RSAD1: variants seen among roughly 807,000 people sequenced by gnomAD.
RSAD1 encodes radical S-adenosyl methionine domain containing 1.
A neutral mutation model predicts 46.2 loss-of-function variants in RSAD1; 34 were observed. That is an observed-to-expected ratio of 0.74 (90% CI 0.56 to 0.98). The LOEUF is 0.98. Ranked by LOEUF, RSAD1 falls within the 50% of genes least tolerant of loss-of-function variation. The probability of loss-of-function intolerance (pLI) is 0.00; values close to 1 mark genes in which losing one functional copy is unlikely to be tolerated. For synonymous variants in RSAD1, 260 were observed against 253.5 expected (o/e 1.03, Z -0.24); for missense variants, 635 against 592.3 (o/e 1.07, Z -0.75).
At chr17:50,480,235 T>C (rs2033367142) in intron 3 of RSAD1, 151 bp downstream of exon 3, 4 of 721,438 alleles carry the variant, frequency 5.5e-6, no homozygotes, top group African/African-American at 1.8e-5. Flanking sequence ...TTATAACTCC[T>C]TAATTGTCTG....
chr17:50,481,238 T>A (rs542645974), intron 3 of RSAD1, among the ~76,000 whole-genome samples: 1 of 152,236 alleles, frequency 6.6e-6, no homozygotes, highest in East Asian at 1.9e-4. Context: ...ACAGTAGATG[T>A]TATTGGGACC....
In RSAD1 at chr17:50,485,616, C is replaced by T. The variant is rs2033443356; in HGVS notation, c.*755C>T. The T allele has an allele frequency of 6.6e-6, 1 of 152,282 alleles. No individual in the cohort carries two copies. The highest frequency in any genetic ancestry group is 1.5e-5 in the Non-Finnish European group (1 of 68,092). The allele number at this position is 152,282 out of a possible 1,614,324, so 9.4% of individuals were successfully genotyped here. ...ATAGCTCTTAGGCTTCCAGCCTCTACCATGCAGGAGAGAACACAGAAGGAC... is the reference window on the plus strand; with the variant it reads ...ATAGCTCTTAGGCTTCCAGCCTCTATCATGCAGGAGAGAACACAGAAGGAC... On this transcript the variant is annotated 3_prime_UTR_variant, in exon 9 of 9. Coordinates refer to ENST00000258955, the MANE Select transcript of RSAD1 (RefSeq NM_018346.3).
rs777758476 is a variant in RSAD1 at position 50,479,622 on chromosome 17, CCCCCAGTGG to C, written c.136-4_140del. On this transcript the variant is annotated splice_acceptor_variant and splice_polypyrimidine_tract_variant and coding_sequence_variant and intron_variant, in exon 2 of 9. Coordinates refer to ENST00000258955, the MANE Select transcript of RSAD1 (RefSeq NM_018346.3). LOFTEE classifies it high-confidence loss of function. Reference sequence around the variant, plus strand: ...TCTCACCGCGCACGTGCACTCACTGCCCCCAGTGGCCTTACTGCGAGAAGCGCTGCAGTT... The same window carrying C: ...TCTCACCGCGCACGTGCACTCACTGCCCTTACTGCGAGAAGCGCTGCAGTT... 24 of 1,613,394 alleles carry C rather than the reference CCCCCAGTGG, an allele frequency of 1.5e-5. No individual in the cohort carries two copies. The highest frequency in any genetic ancestry group is 7.7e-5 in the South Asian group (7 of 91,076).
chr17:50,478,949 G>T lies in RSAD1; in HGVS notation c.65G>T (p.Arg22Leu). 7.2e-7 allele frequency: 1 copy of T among 1,389,758 alleles called. No individual in the cohort carries two copies. Among genetic ancestry groups the T allele is most frequent in the South Asian group, 1.6e-5 (1 of 60,748 alleles). 86.1% of individuals were successfully genotyped at this position (1,389,758 alleles called of 1,614,324 possible). A position where few individuals can be genotyped will look rare whatever the true frequency, so the allele number is the denominator to read the frequency against. ...AAAARAAQRR[R>L]RVENAGGSPS... ...GCAGCCAGAGCGGCCCAGAGGCGCC[G>T]CCGCGTGGAGAACGCAGGAGGGTCC... Residue 22 changes from arginine to leucine, a missense_variant, in exon 1 of 9, where the codon CGC becomes CTC. By Grantham distance (102) the Arg-to-Leu change is moderately radical. Transcript: ENST00000258955.
Position 50,485,228 on chromosome 17 carries a change from A to C in RSAD1, c.*367A>C, listed in dbSNP as rs1372312829. 4.1e-6 allele frequency: 1 copy of C among 244,202 alleles called. No individual in the cohort carries two copies. The highest frequency in any genetic ancestry group is 8.0e-6 in the Non-Finnish European group (1 of 125,106). The allele number at this position is 244,202 out of a possible 1,614,324, so 15.1% of individuals were successfully genotyped here. On this transcript the variant is annotated 3_prime_UTR_variant, in exon 9 of 9. Coordinates refer to ENST00000258955, the MANE Select transcript of RSAD1 (RefSeq NM_018346.3). The stretch of plus-strand genomic sequence containing the variant: ...TTCCTTATTTTGGAGTAAGGTCCTA[A>C]GATAGCTGGATGAATCAGGAAAACC...
Position 50,479,672 on chromosome 17 carries a change from A to G in RSAD1, c.179A>G (p.Lys60Arg), listed in dbSNP as rs746980454. Reference sequence around the variant, plus strand: ...CGCTGCAGTTACTGCAACTTCAACAAGTACATCCCTCGCCGCCTGGAGGAG... The same window carrying G: ...CGCTGCAGTTACTGCAACTTCAACAGGTACATCCCTCGCCGCCTGGAGGAG... ...EKRCSYCNFN[K>R]YIPRRLEEAA... The change falls in exon 2 of 9, where the codon AAG becomes AGG. Residue 60 changes from lysine to arginine, a missense_variant. Transcript: ENST00000258955. The G allele has an allele frequency of 4.3e-6, 7 of 1,613,882 alleles. No homozygotes were observed. The highest frequency in any genetic ancestry group is 2.7e-5 in the African/African-American group (2 of 74,922).
rs2033436165 is a variant in RSAD1, at chr17:50,485,024, G to A, written c.*163G>A. ...ATGGCAGCAGTGAGGTAGATGGGAG[G>A]ACATTTCTGGTCAGGGAACTGGCAT... On this transcript the variant is annotated 3_prime_UTR_variant, in exon 9 of 9. Coordinates refer to ENST00000258955, the MANE Select transcript of RSAD1 (RefSeq NM_018346.3). The A allele has an allele frequency of 4.9e-6, 3 of 610,904 alleles. No homozygotes were observed. Among genetic ancestry groups the A allele is most frequent in the Non-Finnish European group, 8.8e-6 (3 of 340,914 alleles). The allele number at this position is 610,904 out of a possible 1,614,324, so 37.8% of individuals were successfully genotyped here.
chr17:50,481,051 G>A (rs907638547), intron 3 of RSAD1, among the ~76,000 whole-genome samples: 7 of 151,960 alleles, frequency 4.6e-5, no homozygotes, highest in Non-Finnish European at 1.0e-4. Context: ...ATTATAATTC[G>A]TAAATAATAA....
Position 50,483,444 on chromosome 17 carries a change from G to A in RSAD1, c.1009G>A (p.Gly337Ser). 2.5e-6 allele frequency: 4 copies of A among 1,613,618 alleles called. No homozygotes were observed. Among genetic ancestry groups the A allele is most frequent in the Non-Finnish European group, 3.4e-6 (4 of 1,179,826 alleles). ...DNWMKEVMLF[G>S]HGTRKRVPLG... ...CTGGATGAAGGAGGTGATGCTGTTT[G>A]GCCATGGCACCCGGAAGCGTGTCCC... The change falls in exon 6 of 9, where the codon GGC (glycine) becomes AGC (serine). Residue 337 changes from glycine to serine, a missense_variant. By Grantham distance (56) the Gly-to-Ser change is moderately conservative. Transcript: ENST00000258955.
Position 50,484,462 on chromosome 17 carries a change from C to G in RSAD1, c.1128C>G (p.Pro376=). Residue 376 remains proline, a synonymous_variant, in exon 8 of 9, where the codon CCC becomes CCG. Coordinates refer to ENST00000258955, the MANE Select transcript of RSAD1 (RefSeq NM_018346.3). ...CCCAGCACTGGCAGCAGTTTGAGCC[C>G]CAGCTGACCCTGTGGGATGTGTTTG... The part of the protein sequence containing the change: ...ITHQHWQQFE[P]QLTLWDVFGA... 1.2e-6 allele frequency: 2 copies of G among 1,613,728 alleles called. No individual in the cohort carries two copies. Among genetic ancestry groups the G allele is most frequent in the Non-Finnish European group, 1.7e-6 (2 of 1,179,996 alleles).
At chr17:50,482,604 T>C (rs765437577) in intron 4 of RSAD1, 39 bp from the exon 5 acceptor site, 2 of 1,613,582 alleles carry the variant, frequency 1.2e-6, no homozygotes, top group South Asian at 1.1e-5. Context: ...AAATGAGGCC[T>C]GCCCTCTTCA....
chr17:50,480,600 AT>A, intron 3 of RSAD1: 1 of 169,754 alleles, frequency 5.9e-6, no homozygotes, highest in South Asian at 1.3e-4. Context: ...GTTGTGAGTC[AT>A]TCCTTGTGAT....
At position 50,483,216 on chromosome 17, in the gene RSAD1, A is replaced by AAGAAAAGAAAGAC. The variant is rs202239226; in HGVS notation, c.905-123_905-122insGAAAAGAAAGACA. 22 of 1,014,894 alleles carry AAGAAAAGAAAGAC rather than the reference A, an allele frequency of 2.2e-5. No homozygotes were observed. The African/African-American group carries it at 3.2e-4, about 15-fold the overall frequency. The allele number at this position is 1,014,894 out of a possible 1,614,324, so 62.9% of individuals were successfully genotyped here. A position where few individuals can be genotyped will look rare whatever the true frequency, so the allele number is the denominator to read the frequency against. On this transcript the variant is annotated intron_variant, in intron 5 of 8. Coordinates refer to ENST00000258955, the MANE Select transcript of RSAD1 (RefSeq NM_018346.3). ...AAGAAAGAAAGAAAGAAAGAAAAGA[A>AAGAAAAGAAAGAC]AAGAAAAATAATTTATATTTCCAGT...
chr17:50,485,886 A>C lies in RSAD1; in HGVS notation c.*1025A>C, dbSNP rs890626270. The stretch of plus-strand genomic sequence containing the variant: ...GGGGAGAGAATTCGGGAAAGACCCA[A>C]AGTGTTTGTAATTCTTCTTTGTCCT... On this transcript the variant is annotated 3_prime_UTR_variant, in exon 9 of 9. Transcript: ENST00000258955. 1.3e-5 allele frequency: 2 copies of C among 152,162 alleles called. No homozygotes were observed. The highest frequency in any genetic ancestry group is 4.8e-5 in the African/African-American group (2 of 41,398). The allele number at this position is 152,162 out of a possible 1,614,324, so 9.4% of individuals were successfully genotyped here.
rs763001868 is a variant in RSAD1, at chr17:50,480,081, C to T, written c.471C>T (p.Leu157=). 1.9e-6 allele frequency: 3 copies of T among 1,613,930 alleles called. No homozygotes were observed. In the Admixed American group the frequency reaches 5.0e-5, roughly 27 times the overall value. Residue 157 remains leucine, a synonymous_variant, in exon 3 of 9, where the codon CTC becomes CTT. Coordinates refer to ENST00000258955, the MANE Select transcript of RSAD1 (RefSeq NM_018346.3). The part of the protein sequence containing the change: ...AAGVNRLSIG[L]QSLDDTELRL... ...GGGTTAACAGGTTGTCTATAGGCCT[C>T]CAGGTAACCCATGGCACTCACCCCA...
At position 50,484,456 on chromosome 17, in the gene RSAD1, T is replaced by G. The variant is rs768694525; in HGVS notation, c.1122T>G (p.Phe374Leu). 9.3e-6 allele frequency: 15 copies of G among 1,613,652 alleles called. No individual in the cohort carries two copies. Among genetic ancestry groups the G allele is most frequent in the Non-Finnish European group, 1.3e-5 (15 of 1,179,950 alleles). Residue 374 changes from phenylalanine (F) to leucine (L), a missense_variant, in exon 8 of 9, where the codon TTT (phenylalanine) becomes TTG (leucine). Coordinates refer to ENST00000258955, the MANE Select transcript of RSAD1 (RefSeq NM_018346.3). Reference protein sequence around the residue: ...VGITHQHWQQFEPQLTLWDVF... With the variant: ...VGITHQHWQQLEPQLTLWDVF... ...GGCTTCCCCAGCACTGGCAGCAGTT[T>G]GAGCCCCAGCTGACCCTGTGGGATG...
intron 7 of RSAD1, 199 bp downstream of exon 7, chr17:50,483,959 C>A: frequency 1.8e-6 from 1 of 561,320 alleles, no homozygotes; most frequent in Non-Finnish European, 3.1e-6. Context: ...TAGACCAGGG[C>A]TGCAGAGACC....
chr17:50,481,848 T>C (rs1278977860), intron 3 of RSAD1, among the ~76,000 whole-genome samples: 4 of 152,218 alleles, frequency 2.6e-5, no homozygotes, highest in African/African-American at 9.6e-5. Context: ...AGTTTTCTCA[T>C]CTGTAAAATA....
At chr17:50,482,785 T>C in intron 5 of RSAD1, 79 bp downstream of exon 5, 7 of 1,307,700 alleles carry the variant, frequency 5.4e-6, no homozygotes, top group East Asian at 4.6e-5. Flanking sequence ...CATTAACCTC[T>C]CCAAGCCTCT....
Sources: gnomAD v4.1 joint callset for allele counts (sites outside exome capture counted in the v4.1 genomes callset) on GRCh38, gnomAD v4.1.1 for gene constraint, MANE v1.5 for transcripts, NCBI Gene and HGNC (gene_info 2026-07-23, HGNC 2026-07-21) for gene names.